PGLYRP2: variants seen among roughly 807,000 people sequenced by gnomAD.
PGLYRP2 encodes peptidoglycan recognition protein 2.
Under a neutral mutation model 46.2 loss-of-function variants are expected in PGLYRP2, and 38 were observed. The ratio of observed to expected loss-of-function variants is 0.82; its 90% CI spans 0.64 to 1.08. The LOEUF (loss-of-function observed/expected upper bound fraction) is 1.08. Among genes scored for constraint, PGLYRP2 ranks in the 50% least tolerant of loss-of-function variants. PGLYRP2 has a pLI of 0.00. For missense variants in PGLYRP2, 713 were observed against 755.9 expected, an observed-to-expected ratio of 0.94 and a Z score of 0.67; for synonymous variants, 289 against 329.4, an observed-to-expected ratio of 0.88 and a Z score of 1.33.
Position 15,476,364 on chromosome 19 carries a change from T to C in PGLYRP2, c.306A>G (p.Val102=). 6.2e-7 allele frequency: 1 copy of C among 1,614,142 alleles called. No individual in the cohort carries two copies. Among genetic ancestry groups the C allele is most frequent in the Non-Finnish European group, 8.5e-7 (1 of 1,180,012 alleles). Residue 102 remains valine, a synonymous_variant, in exon 2 of 5, where the codon GTA becomes GTG. Transcript: ENST00000340880. The part of the protein sequence containing the change: ...GLTKEVARHD[V]REGKEYGVVL... ...CCACCCCATATTCCTTCCCTTCTCG[T>C]ACGTCATGTCGGGCCACCTCCTTGG...
At chr19:15,468,789 GT>G (rs769445137) in intron 4 of PGLYRP2, 37 bp from the exon 5 acceptor site, 2 of 1,544,436 alleles carry the variant, frequency 1.3e-6, no homozygotes, top group East Asian at 2.3e-5. Context: ...CTTGGGGGTG[GT>G]TGTGGTATGT....
intron 2 of PGLYRP2, 24 bp from the exon 3 acceptor site, chr19:15,472,124 T>TG: frequency 6.3e-7 from 1 of 1,584,272 alleles, no homozygotes; most frequent in Non-Finnish European, 8.5e-7. Context: ...GGTTGAAGGC[T>TG]GGGGTCAGGA....
At chr19:15,470,003 A>G (rs1367984660) in intron 3 of PGLYRP2, 74 bp from the exon 4 acceptor site, 19 of 1,321,614 alleles carry the variant, frequency 1.4e-5, no homozygotes, top group Non-Finnish European at 9.7e-7. Context: ...CCCCTCCCCG[A>G]TTCTGTTGGT....
At position 15,469,928 on chromosome 19, in the gene PGLYRP2, A is replaced by G. The variant is rs1208565027; in HGVS notation, c.1345T>C (p.Phe449Leu). Residue 449 changes from phenylalanine (F) to leucine (L), a missense_variant and splice_region_variant, in exon 4 of 5, where the codon TTC (phenylalanine) becomes CTC (leucine). Physicochemically the swap from Phe to Leu is conservative, Grantham distance 22. Transcript: ENST00000340880. The surrounding 1 kb of genome is among the most constrained non-coding windows in gnomAD (Gnocchi z 4.9). ...ACGTAGCCGTCCGAGCCCACCACGA[A>G]ACTGCAGAGGGGAGGGAGAAGCAAG... ...TQGWGDIGYS[F>L]VVGSDGYVYE... The G allele has an allele frequency of 1.4e-6, 2 of 1,424,146 alleles. No individual in the cohort carries two copies. The highest frequency in any genetic ancestry group is 1.8e-6 in the Non-Finnish European group (2 of 1,093,094). 88.2% of individuals were successfully genotyped at this position (1,424,146 alleles called of 1,614,324 possible).
chr19:15,471,739 C>A (rs1970750916), intron 3 of PGLYRP2, 151 bp downstream of exon 3: 1 of 859,630 alleles, frequency 1.2e-6, no homozygotes, highest in Non-Finnish European at 1.8e-6. Context: ...AGCCACGCCA[C>A]CTCTCCAACT....
chr19:15,468,758 A>G lies in PGLYRP2; in HGVS notation c.1642-6T>C. The G allele has an allele frequency of 1.9e-6, 3 of 1,607,572 alleles. No homozygotes were observed. On this transcript the variant is annotated splice_polypyrimidine_tract_variant and splice_region_variant and intron_variant, in intron 4 of 4. Coordinates refer to ENST00000340880, the MANE Select transcript of PGLYRP2 (RefSeq NM_052890.4). ...GCAGGTCTTGGCTTAACAGTCTGGA[A>G]AAAGACAAGGGAGTGTGAGGCTTGG... is the stretch of plus-strand genomic sequence containing the variant.
intron 1 of PGLYRP2, among the ~76,000 whole-genome samples, chr19:15,477,876 A>G (rs1016866987): frequency 1.2e-4 from 19 of 152,162 alleles, no homozygotes; most frequent in African/African-American, 4.1e-4. Context: ...GGGTTATCAA[A>G]TAATAGCTAA....
intron 3 of PGLYRP2, among the ~76,000 whole-genome samples, chr19:15,471,380 C>T (rs1474396232): frequency 2.0e-5 from 3 of 152,010 alleles, no homozygotes; most frequent in Non-Finnish European, 4.4e-5. Flanking sequence ...TCCCAAAGTG[C>T]TGGGATTACA....
intron 1 of PGLYRP2, among the ~76,000 whole-genome samples, chr19:15,478,959 A>G (rs1240836872): frequency 6.6e-6 from 1 of 152,108 alleles, no homozygotes; most frequent in Admixed American, 6.6e-5. Context: ...CTCCTGGTCT[A>G]GAATCTAGGT....
chr19:15,469,370 A>C lies in PGLYRP2; in HGVS notation c.1641+262T>G, dbSNP rs1340779203. ...CCTTGGCTGGAAAGGTAGAGGTATT[A>C]GGAGCTGGGGAAAGGACAGGCTGGC... On this transcript the variant is annotated intron_variant, in intron 4 of 4. Transcript: ENST00000340880. This position sits in a 1 kb window ranked among gnomAD's most constrained non-coding sequence, Gnocchi z 4.9. 1 of 694,428 alleles carries C rather than the reference A, an allele frequency of 1.4e-6. No homozygotes were observed. Among genetic ancestry groups the C allele is most frequent in the East Asian group, 2.7e-5 (1 of 36,892 alleles). 43.0% of individuals were successfully genotyped at this position (694,428 alleles called of 1,614,324 possible). A position where few individuals can be genotyped will look rare whatever the true frequency, so the allele number is the denominator to read the frequency against.
chr19:15,474,750 A>G (rs1343092837), intron 2 of PGLYRP2, among the ~76,000 whole-genome samples: 2 of 152,150 alleles, frequency 1.3e-5, no homozygotes, highest in Non-Finnish European at 2.9e-5. Flanking sequence ...GCACTTTGGG[A>G]GGCCAAGGTG....
rs71176418 is a variant in PGLYRP2 at position 15,471,103 on chromosome 19, C to CTTT, written c.1343+784_1343+786dup. Among the ~76,000 whole-genome samples the CTTT allele has an allele frequency of 6.8e-3, 538 of 79,466 alleles. 88 individuals carry two copies. The highest frequency in any genetic ancestry group is 0.03 in the African/African-American group (492 of 16,492). 52.1% of individuals were successfully genotyped at this position (79,466 alleles called of 152,430 possible). A position where few individuals can be genotyped will look rare whatever the true frequency, so the allele number is the denominator to read the frequency against. ...TACAGGCGCGCAACACCATGCCCAG[C>CTTT]TTTTTTTTTTTTTTTTTTTTTTTTT... On this transcript the variant is annotated intron_variant, in intron 3 of 4. Transcript: ENST00000340880.
At chr19:15,470,228 T>G (rs1272519615) in intron 3 of PGLYRP2, among the ~76,000 whole-genome samples, 13 of 119,772 alleles carry the variant, frequency 1.1e-4, no homozygotes, top group East Asian at 2.5e-4. Context: ...TTTCTGTTTT[T>G]GGGTTTTTTT....
In PGLYRP2 at chr19:15,475,629, C is replaced by T. The variant is rs749410944; in HGVS notation, c.1041G>A (p.Glu347=). The part of the protein sequence containing the change: ...WGTLVLLQRL[E]PVHLQLQCMS... ...TGCACTGAAGCTGGAGGTGTACTGG[C>T]TCCAGCCTCTGTAGAAGGACAAGGG... The change falls in exon 2 of 5, where the codon GAG becomes GAA. Residue 347 remains glutamate (E), a synonymous_variant. Transcript: ENST00000340880. The T allele has an allele frequency of 1.4e-5, 22 of 1,614,012 alleles. No homozygotes were observed. The Middle Eastern group carries it at 6.6e-4, about 48-fold the overall frequency.
intron 1 of PGLYRP2, among the ~76,000 whole-genome samples, chr19:15,478,552 G>A (rs1444114614): frequency 6.6e-6 from 1 of 151,972 alleles, no homozygotes. Flanking sequence ...TACAGATGAG[G>A]CATCTGAAGC....
rs1970826491 is a variant in PGLYRP2 at position 15,479,432 on chromosome 19, A to C, written c.-61T>G. 2.0e-6 allele frequency: 3 copies of C among 1,524,932 alleles called. No homozygotes were observed. The highest frequency in any genetic ancestry group is 2.7e-6 in the Non-Finnish European group (3 of 1,109,042). 94.5% of individuals were successfully genotyped at this position (1,524,932 alleles called of 1,614,324 possible). A position where few individuals can be genotyped will look rare whatever the true frequency, so the allele number is the denominator to read the frequency against. ...GTTGGCCTCGGCAGAGAACCTCGGC[A>C]GTGCTGGAGGGAGACAGGCACAGAG... On this transcript the variant is annotated 5_prime_UTR_variant, in exon 1 of 5. Coordinates refer to ENST00000340880, the MANE Select transcript of PGLYRP2 (RefSeq NM_052890.4).
Position 15,476,419 on chromosome 19 carries a change from C to A in PGLYRP2, c.251G>T (p.Cys84Phe), listed in dbSNP as rs1180761842. ...WSLNATELDP[C>F]PLSPELLGLT... is the part of the protein sequence containing the mutation. ...GCCTAACAGCTCTGGGCTTAGTGGGCAGGGATCCAACTCTGTAGCATTGAG... is the reference window on the plus strand; with the variant it reads ...GCCTAACAGCTCTGGGCTTAGTGGGAAGGGATCCAACTCTGTAGCATTGAG... Residue 84 changes from cysteine to phenylalanine, a missense_variant, in exon 2 of 5, where the codon TGC (cysteine) becomes TTC (phenylalanine). By Grantham distance (205) the Cys-to-Phe change is radical (BLOSUM62 -2). Coordinates refer to ENST00000340880, the MANE Select transcript of PGLYRP2 (RefSeq NM_052890.4). 9 of 1,613,908 alleles carry A rather than the reference C, an allele frequency of 5.6e-6. No homozygotes were observed. The highest frequency in any genetic ancestry group is 7.6e-6 in the Non-Finnish European group (9 of 1,179,982).
At chr19:15,471,162 G>T (rs190483823) in intron 3 of PGLYRP2, among the ~76,000 whole-genome samples, 1 of 142,070 alleles carries the variant, frequency 7.0e-6, no homozygotes, top group Non-Finnish European at 1.5e-5. Context: ...GCCCAGGCTG[G>T]AGTGCAATGG....
At chr19:15,472,273 A>G (rs921358618) in intron 2 of PGLYRP2, among the ~76,000 whole-genome samples, 173 bp from the exon 3 acceptor site, 4 of 151,870 alleles carry the variant, frequency 2.6e-5, no homozygotes, top group African/African-American at 9.7e-5. Flanking sequence ...ACTCAACTAA[A>G]TCTATTTTAT....
Sources: gnomAD v4.1 joint callset for allele counts (sites outside exome capture counted in the v4.1 genomes callset) on GRCh38, gnomAD v4.1.1 for gene constraint, Gnocchi (gnomAD v3.1) non-coding constraint, MANE v1.5 for transcripts, NCBI Gene and HGNC (gene_info 2026-07-23, HGNC 2026-07-21) for gene names.